Variants in MIPEP observed in about 807,000 individuals in gnomAD.
The protein encoded by MIPEP is mitochondrial intermediate peptidase.
Under a neutral mutation model 90.3 loss-of-function variants are expected in MIPEP, and 79 were observed. The observed-to-expected ratio is 0.87, with a 90% CI of 0.73 to 1.05. The LOEUF is 1.05. Among genes scored for constraint, MIPEP ranks in the 50% least tolerant of loss-of-function variants. The pLI is 0.00. For missense variants in MIPEP, 940 were observed against 905.6 expected (o/e 1.04, Z -0.49); for synonymous variants, 334 against 315.8 (o/e 1.06, Z -0.61).
At chr13:23,872,503 A>T (rs1870862088) in intron 5 of MIPEP, among the ~76,000 whole-genome samples, 2 of 152,190 alleles carry the variant, frequency 1.3e-5, no homozygotes, top group South Asian at 4.1e-4. Context: ...AACCAACTGG[A>T]AAGAACATAG....
intron 16 of MIPEP, among the ~76,000 whole-genome samples, chr13:23,777,919 T>C (rs1952735905): frequency 6.6e-6 from 1 of 152,212 alleles, no homozygotes; most frequent in Admixed American, 6.5e-5. Context: ...GTTCAACTTC[T>C]TAGAGGACAT....
Position 23,808,934 on chromosome 13 carries a change from A to T in MIPEP, c.1728+916T>A, listed in dbSNP as rs139074505. On this transcript the variant is annotated intron_variant, in intron 15 of 18. Transcript: ENST00000382172. ...TTAAATAGTGATTACTTTGTTAAAC[A>T]GGTAACTGAATCATCATAAAGTGAA... is the stretch of plus-strand genomic sequence containing the variant. Among the ~76,000 whole-genome samples, 743 of 152,362 alleles carry T rather than the reference A, an allele frequency of 4.9e-3. 6 individuals carry two copies. The highest frequency in any genetic ancestry group is 0.017 in the African/African-American group (692 of 41,582).
chr13:23,794,902 CAT>C (rs1952940044), intron 16 of MIPEP, among the ~76,000 whole-genome samples: 1 of 152,096 alleles, frequency 6.6e-6, no homozygotes, highest in Non-Finnish European at 1.5e-5. Flanking sequence ...GTTACAAAGT[CAT>C]AAATAAACCT....
intron 14 of MIPEP, among the ~76,000 whole-genome samples, chr13:23,834,959 A>C (rs1868964395): frequency 6.6e-6 from 1 of 152,102 alleles, no homozygotes; most frequent in Non-Finnish European, 1.5e-5. Flanking sequence ...CTGCCACCGT[A>C]ATAACTGAAA....
At chr13:23,875,054 A>ACACACACACT in intron 4 of MIPEP, 145 bp from the exon 5 acceptor site, 1 of 544,848 alleles carries the variant, frequency 1.8e-6, no homozygotes, top group Non-Finnish European at 3.1e-6. Context: ...ACACACACAC[A>ACACACACACT]CACACACACT....
At chr13:23,785,033 T>C (rs1163050266) in intron 16 of MIPEP, among the ~76,000 whole-genome samples, 1 of 152,208 alleles carries the variant, frequency 6.6e-6, no homozygotes, top group African/African-American at 2.4e-5. Context: ...ACTTTTACAC[T>C]GTTGGTGGGA....
At position 23,837,727 on chromosome 13, in the gene MIPEP, T is replaced by A; in HGVS notation, c.1368A>T (p.Arg456Ser). 6.2e-7 allele frequency: 1 copy of A among 1,613,872 alleles called. No individual in the cohort carries two copies. Among genetic ancestry groups the A allele is most frequent in the Non-Finnish European group, 8.5e-7 (1 of 1,179,726 alleles). ...QDCHFTIRGG[R>S]LKEDGDYQLP... ...GTTGATAGTCTCCATCTTCCTTTAG[T>A]CTGCCTCCACGGATAGTGAAATGGC... The change falls in exon 13 of 19, where the codon AGA becomes AGT. Residue 456 changes from arginine to serine, a missense_variant. By Grantham distance (110) the Arg-to-Ser change is moderately radical (BLOSUM62 -1). Transcript: ENST00000382172.
chr13:23,819,851 A>G (rs948372865), intron 14 of MIPEP, among the ~76,000 whole-genome samples: 16 of 152,140 alleles, frequency 1.1e-4, no homozygotes, highest in Non-Finnish European at 1.6e-4. Flanking sequence ...TCTACTAGAA[A>G]TACAAAAATT....
intron 10 of MIPEP, among the ~76,000 whole-genome samples, chr13:23,846,403 T>C (rs1869542731): frequency 6.6e-6 from 1 of 152,178 alleles, no homozygotes; most frequent in Admixed American, 6.5e-5. Flanking sequence ...AATGCAAAGA[T>C]TCATGATTAT....
At chr13:23,886,649 A>G (rs1410856063) in intron 1 of MIPEP, 143 bp from the exon 2 acceptor site, 1 of 520,964 alleles carries the variant, frequency 1.9e-6, no homozygotes, top group East Asian at 3.4e-5. Flanking sequence ...AGATACCACT[A>G]TCATACTCCC....
At chr13:23,805,836 C>T (rs2137400408) in intron 16 of MIPEP, 114 bp downstream of exon 16, 1 of 1,116,656 alleles carries the variant, frequency 9.0e-7, no homozygotes. Flanking sequence ...CCATGTGAAG[C>T]CTCAACATAA....
In MIPEP at chr13:23,852,511, T is replaced by C. The variant is rs531930736; in HGVS notation, c.1106+6349A>G. On this transcript the variant is annotated intron_variant, in intron 10 of 18. Transcript: ENST00000382172. Reference sequence around the variant, plus strand: ...GATGATAATGGAACTGAAAAATTTCTATCACCTAGTAACATTGTAGCTGTC... The same window carrying C: ...GATGATAATGGAACTGAAAAATTTCCATCACCTAGTAACATTGTAGCTGTC... Among the ~76,000 whole-genome samples the C allele has an allele frequency of 4.1e-3, 629 of 152,326 alleles. 3 individuals are homozygous for C. Among genetic ancestry groups the C allele is most frequent in the African/African-American group, 0.015 (614 of 41,574 alleles).
At chr13:23,819,795 A>C (rs1349162850) in intron 14 of MIPEP, among the ~76,000 whole-genome samples, 2 of 152,096 alleles carry the variant, frequency 1.3e-5, no homozygotes, top group Admixed American at 1.3e-4. Context: ...GATCACCTGA[A>C]GTCAGGAGTT....
At chr13:23,829,057 A>G (rs1185897812) in intron 14 of MIPEP, among the ~76,000 whole-genome samples, 1 of 152,232 alleles carries the variant, frequency 6.6e-6, no homozygotes, top group Non-Finnish European at 1.5e-5. Flanking sequence ...GTACATGAGT[A>G]ATGGCACTGA....
intron 18 of MIPEP, among the ~76,000 whole-genome samples, chr13:23,752,172 C>T (rs1283583793): frequency 6.6e-6 from 1 of 151,982 alleles, no homozygotes; most frequent in Non-Finnish European, 1.5e-5. Context: ...AAATCTGAAC[C>T]TAAAAACTCA....
intron 16 of MIPEP, among the ~76,000 whole-genome samples, chr13:23,796,892 A>G (rs1281531358): frequency 6.6e-6 from 1 of 152,204 alleles, no homozygotes. Flanking sequence ...CAAATTACAC[A>G]TAAGTTATAT....
At chr13:23,758,117 G>T (rs1212778192) in intron 17 of MIPEP, among the ~76,000 whole-genome samples, 1 of 152,180 alleles carries the variant, frequency 6.6e-6, no homozygotes, top group African/African-American at 2.4e-5. Flanking sequence ...CCTGGACTGA[G>T]GTGGCGCCTC....
rs372218497 is a variant in MIPEP, at chr13:23,884,386, A to T, written c.363+1947T>A. 8.5e-5 allele frequency among the ~76,000 whole-genome samples: 13 copies of T among 152,198 alleles called. No individual in the cohort carries two copies. In the East Asian group the frequency reaches 9.6e-4, roughly 11 times the overall value. ...ATAATAATTTTAAAAACAAGTATAC[A>T]TTTTTTTTAAAGATGGAGAGGCTAA... On this transcript the variant is annotated intron_variant, in intron 2 of 18. Transcript: ENST00000382172.
chr13:23,797,802 G>C (rs2137385541), intron 16 of MIPEP, among the ~76,000 whole-genome samples: 1 of 152,304 alleles, frequency 6.6e-6, no homozygotes, highest in South Asian at 2.1e-4. Context: ...TATAGCCTCG[G>C]TATTAGTTGT....
Sources: allele counts gnomAD v4.1 joint callset (sites outside exome capture counted in the v4.1 genomes callset), GRCh38; gene constraint gnomAD v4.1.1; transcripts MANE v1.5; gene names NCBI Gene and HGNC (gene_info 2026-07-23, HGNC 2026-07-21).